RBFOX1: variants seen among roughly 807,000 people sequenced by gnomAD.
The protein encoded by RBFOX1 is RNA binding fox-1 homolog 1.
In RBFOX1, 8 loss-of-function variants were observed where a neutral mutation model predicts 57.7. That is an observed-to-expected ratio of 0.14 (90% CI 0.08 to 0.25). The LOEUF is 0.25. Ranked by LOEUF, RBFOX1 falls within the 10% of genes least tolerant of loss-of-function variation. The pLI, the probability that RBFOX1 is intolerant of heterozygous loss-of-function variation, is 1.00. For synonymous variants in RBFOX1, 326 were observed against 222.4 expected, an observed-to-expected ratio of 1.47 and a Z score of -4.15; for missense variants, 611 against 548.5, an observed-to-expected ratio of 1.11 and a Z score of -1.14.
At chr16:6,998,107 C>G (rs1281258816) in intron 3 of RBFOX1, among the ~76,000 whole-genome samples, 3 of 151,774 alleles carry the variant, frequency 2.0e-5, no homozygotes, top group Admixed American at 6.6e-5. Context: ...ATTTAGTGTA[C>G]AATAGCATAT....
chr16:5,869,320 C>G (rs897486570), intron 4 of RBFOX1, among the ~76,000 whole-genome samples: 1 of 152,110 alleles, frequency 6.6e-6, no homozygotes, highest in Non-Finnish European at 1.5e-5. Context: ...CAGACACATT[C>G]TTATATCTGC....
intron 2 of RBFOX1, among the ~76,000 whole-genome samples, chr16:6,497,984 C>T (rs536067454): frequency 6.6e-6 from 1 of 152,078 alleles, no homozygotes; most frequent in Non-Finnish European, 1.5e-5. Flanking sequence ...CACAGTGGTT[C>T]ATGCCTGTAA....
rs199942869 is a variant in RBFOX1 at position 7,693,401 on chromosome 16, C to A, written c.996-15655C>A. 2.8e-4 allele frequency: 401 copies of A among 1,443,970 alleles called. 1 individual carries two copies. The African/African-American group carries it at 5.3e-3, about 19-fold the overall frequency. 89.4% of individuals were successfully genotyped at this position (1,443,970 alleles called of 1,614,324 possible). On this transcript the variant is annotated intron_variant, in intron 14 of 15. Coordinates refer to ENST00000550418, the MANE Select transcript of RBFOX1 (RefSeq NM_018723.4). ...CGTTGCTACTTCTTGATGCATCCAT[C>A]CAAGTCTCAGTATCCTTTTTTTTTT...
chr16:7,586,260 T>C (rs920934618), intron 6 of RBFOX1, among the ~76,000 whole-genome samples: 7 of 152,152 alleles, frequency 4.6e-5, no homozygotes, highest in Non-Finnish European at 8.8e-5. Flanking sequence ...GCTACTGTAC[T>C]CAAGAAATGG....
intron 2 of RBFOX1, among the ~76,000 whole-genome samples, chr16:6,391,720 A>G (rs2092611629): frequency 6.6e-6 from 1 of 152,096 alleles, no homozygotes; most frequent in South Asian, 2.1e-4. Context: ...AAGTTGACAG[A>G]ATTTATTTGT....
chr16:6,264,431 T>C (rs2097720697), intron 1 of RBFOX1, among the ~76,000 whole-genome samples: 1 of 152,136 alleles, frequency 6.6e-6, no homozygotes, highest in Admixed American at 6.5e-5. Flanking sequence ...TGGAAACCCG[T>C]CAAATAGTCT....
At chr16:6,811,541 CTTTTG>C (rs938295406) in intron 3 of RBFOX1, among the ~76,000 whole-genome samples, 8 of 152,082 alleles carry the variant, frequency 5.3e-5, no homozygotes, top group African/African-American at 1.7e-4. Flanking sequence ...TAAAAAGGTA[CTTTTG>C]TTTTGTTTTC....
At chr16:6,825,941 G>A (rs2092072499) in intron 3 of RBFOX1, among the ~76,000 whole-genome samples, 1 of 152,158 alleles carries the variant, frequency 6.6e-6, no homozygotes, top group African/African-American at 2.4e-5. Flanking sequence ...TTGTACCGCA[G>A]GGTGCTCATC....
chr16:6,261,409 C>G (rs2097700700), intron 1 of RBFOX1, among the ~76,000 whole-genome samples: 2 of 152,224 alleles, frequency 1.3e-5, no homozygotes, highest in Non-Finnish European at 1.5e-5. Context: ...TTCCAAACAA[C>G]TGGCTGTTCC....
intron 1 of RBFOX1, among the ~76,000 whole-genome samples, chr16:6,029,821 G>A (rs2095263056): frequency 6.6e-6 from 1 of 150,554 alleles, no homozygotes; most frequent in Non-Finnish European, 1.5e-5. Flanking sequence ...ATTGAATGTA[G>A]GTGAGGGATA....
At chr16:6,724,345 G>A (rs2066682687) in intron 3 of RBFOX1, among the ~76,000 whole-genome samples, 1 of 151,958 alleles carries the variant, frequency 6.6e-6, no homozygotes, top group South Asian at 2.1e-4. Flanking sequence ...CAGTTGGTGG[G>A]ATTACAGGTG....
intron 3 of RBFOX1, among the ~76,000 whole-genome samples, chr16:5,834,459 C>G (rs972234728): frequency 2.6e-5 from 4 of 152,252 alleles, no homozygotes; most frequent in Admixed American, 2.6e-4. Context: ...GAGTAGTATT[C>G]CATGGCACAC....
chr16:6,788,343 A>G (rs1045057972), intron 3 of RBFOX1, among the ~76,000 whole-genome samples: 9 of 152,162 alleles, frequency 5.9e-5, no homozygotes, highest in Non-Finnish European at 1.2e-4. Flanking sequence ...CAGGTTCAAC[A>G]CAAGCTGGTG....
At chr16:5,516,074 G>A (rs139570065) in intron 2 of RBFOX1, among the ~76,000 whole-genome samples, 1 of 152,242 alleles carries the variant, frequency 6.6e-6, no homozygotes, top group East Asian at 1.9e-4. Flanking sequence ...GAATATTCCC[G>A]CTTCTGGCTG....
intron 4 of RBFOX1, among the ~76,000 whole-genome samples, chr16:7,099,331 A>G (rs1055416480): frequency 3.3e-5 from 5 of 152,090 alleles, no homozygotes; most frequent in African/African-American, 1.2e-4. Flanking sequence ...GTGTAAACTC[A>G]TTTTGTACCA....
chr16:5,846,507 G>A (rs2056761424), intron 3 of RBFOX1, among the ~76,000 whole-genome samples: 1 of 152,150 alleles, frequency 6.6e-6, no homozygotes, highest in Non-Finnish European at 1.5e-5. Context: ...CAAGGAGGAA[G>A]ATTTTCTTCC....
chr16:5,334,652 G>C (rs775192721), intron 1 of RBFOX1, among the ~76,000 whole-genome samples: 1 of 151,900 alleles, frequency 6.6e-6, no homozygotes, highest in Admixed American at 6.6e-5. Flanking sequence ...TGAACTTTTA[G>C]GATGTTCACA....
At position 6,176,048 on chromosome 16, in the gene RBFOX1, G is replaced by A. The variant is rs539886840; in HGVS notation, c.-126-140947G>A. Among the ~76,000 whole-genome samples, 3 of 152,212 alleles carry A rather than the reference G, an allele frequency of 2.0e-5. No homozygotes were observed. In the East Asian group the frequency reaches 5.8e-4, roughly 29 times the overall value. On this transcript the variant is annotated intron_variant, in intron 1 of 15. Coordinates refer to ENST00000550418, the MANE Select transcript of RBFOX1 (RefSeq NM_018723.4). ...CCAGGGGAGGCTAATGGACCACCAG[G>A]CTGCAAAACTATTGGTTTCATAGTG... is the stretch of plus-strand genomic sequence containing the variant.
intron 3 of RBFOX1, among the ~76,000 whole-genome samples, chr16:6,750,552 C>G (rs948813671): frequency 3.3e-5 from 5 of 152,198 alleles, no homozygotes; most frequent in Admixed American, 6.5e-5. Flanking sequence ...TTAAAATAAA[C>G]TGGTGACCGA....
Sources: allele counts gnomAD v4.1 joint callset (sites outside exome capture counted in the v4.1 genomes callset), GRCh38; gene constraint gnomAD v4.1.1; transcripts MANE v1.5; gene names NCBI Gene and HGNC (gene_info 2026-07-23, HGNC 2026-07-21).